Variants in STOX2 observed in about 807,000 individuals in gnomAD.
The protein encoded by STOX2 is storkhead-box protein 2.
STOX2 carries 28 observed loss-of-function variants against 60.9 expected under a neutral mutation model. The observed-to-expected ratio is 0.46, with a 90% confidence interval of 0.34 to 0.63. The LOEUF (loss-of-function observed/expected upper bound fraction) is 0.63, where lower values mean the gene tolerates loss of function less well. Ranked by LOEUF, STOX2 falls within the 30% of genes least tolerant of loss-of-function variation. STOX2 has a pLI of 0.01. For synonymous variants in STOX2, 472 were observed against 463.9 expected, an observed-to-expected ratio of 1.02 and a Z score of -0.22; for missense variants, 1,024 against 1,187.7, an observed-to-expected ratio of 0.86 and a Z score of 2.03.
At chr4:183,952,705 C>T (rs906733727) in intron 1 of STOX2, among the ~76,000 whole-genome samples, 11 of 152,174 alleles carry the variant, frequency 7.2e-5, no homozygotes, top group African/African-American at 2.7e-4. Context: ...AAAAGAGGTG[C>T]ATGTCACATT....
chr4:183,835,232 T>C (rs2111124922), intron 1 of STOX2, among the ~76,000 whole-genome samples: 1 of 151,940 alleles, frequency 6.6e-6, no homozygotes, highest in South Asian at 2.1e-4. Context: ...AATAGATTTT[T>C]TTTTTTTTTT....
intron 1 of STOX2, among the ~76,000 whole-genome samples, chr4:183,993,750 G>A (rs1165045877): frequency 6.6e-6 from 1 of 152,182 alleles, no homozygotes; most frequent in African/African-American, 2.4e-5. Flanking sequence ...ACTAGTAAAA[G>A]TGCCTTTTCA....
At position 184,011,664 on chromosome 4, in the gene STOX2, A is replaced by G; in HGVS notation, c.2585+241A>G. 2 of 1,462,982 alleles carry G rather than the reference A, an allele frequency of 1.4e-6. No homozygotes were observed. Among genetic ancestry groups the G allele is most frequent in the Non-Finnish European group, 9.0e-7 (1 of 1,106,544 alleles). The allele number at this position is 1,462,982 out of a possible 1,614,324, so 90.6% of individuals were successfully genotyped here. On this transcript the variant is annotated intron_variant, in intron 3 of 3. Coordinates refer to ENST00000308497, the MANE Select transcript of STOX2 (RefSeq NM_020225.3). This position sits in a 1 kb window ranked among gnomAD's most constrained non-coding sequence, Gnocchi z 4.4. ...GGTTGGCTCCTCCCCTCAAACTTGCATCAGTCTGATCTAACTAAAACCAAT... is the reference window on the plus strand; with the variant it reads ...GGTTGGCTCCTCCCCTCAAACTTGCGTCAGTCTGATCTAACTAAAACCAAT...
chr4:183,884,329 G>A (rs1741031526), intron 1 of STOX2, among the ~76,000 whole-genome samples: 1 of 150,954 alleles, frequency 6.6e-6, no homozygotes, highest in Admixed American at 6.6e-5. Context: ...AGTGTGAGCA[G>A]ATGTGAATAC....
intron 1 of STOX2, among the ~76,000 whole-genome samples, chr4:183,860,280 C>T (rs184184677): frequency 2.6e-5 from 4 of 151,970 alleles, no homozygotes; most frequent in East Asian, 1.9e-4. Flanking sequence ...GAAAAGGAAA[C>T]GGGCCCTCAA....
intron 1 of STOX2, among the ~76,000 whole-genome samples, chr4:184,000,365 G>C (rs1248607966): frequency 6.6e-6 from 1 of 152,140 alleles, no homozygotes; most frequent in Non-Finnish European, 1.5e-5. Flanking sequence ...AGCCTCTCCT[G>C]CCTCCACTGG....
At chr4:183,912,104 C>G (rs962346133) in intron 1 of STOX2, among the ~76,000 whole-genome samples, 1 of 152,204 alleles carries the variant, frequency 6.6e-6, no homozygotes, top group African/African-American at 2.4e-5. Context: ...TTAAATATTT[C>G]TAAAACCTGT....
At chr4:183,832,287 G>T (rs1278939350) in intron 1 of STOX2, among the ~76,000 whole-genome samples, 3 of 151,814 alleles carry the variant, frequency 2.0e-5, no homozygotes, top group Non-Finnish European at 4.4e-5. Flanking sequence ...ACCACACCTG[G>T]CCCTGGAGCT....
At chr4:183,984,809 C>G (rs1198153254) in intron 1 of STOX2, among the ~76,000 whole-genome samples, 1 of 152,182 alleles carries the variant, frequency 6.6e-6, no homozygotes, top group Non-Finnish European at 1.5e-5. Flanking sequence ...GTTCGTAAAG[C>G]TTTACTGTAA....
At position 183,863,010 on chromosome 4, in the gene STOX2, G is replaced by A. The variant is rs1015352632; in HGVS notation, c.364+64955G>A. 2.6e-5 allele frequency among the ~76,000 whole-genome samples: 4 copies of A among 152,208 alleles called. No individual in the cohort carries two copies. In the South Asian group the frequency reaches 6.2e-4, roughly 24 times the overall value. ...GGAGCCCACCAATCTCACTGGGGAT[G>A]TTTAGGTTGCTCATGTCATCGTAGT... is the stretch of plus-strand genomic sequence containing the variant. On this transcript the variant is annotated intron_variant, in intron 1 of 2. Transcript: ENST00000513034.
chr4:183,937,201 G>A (rs895286627), intron 1 of STOX2, among the ~76,000 whole-genome samples: 3 of 152,166 alleles, frequency 2.0e-5, no homozygotes, highest in Non-Finnish European at 4.4e-5. Flanking sequence ...TTAGTAACAC[G>A]CAAGGAAAAT....
Position 184,007,029 on chromosome 4 carries a change from AAAAC to A in STOX2, c.320-2125_320-2122del, listed in dbSNP as rs1385818390. Among the ~76,000 whole-genome samples, 46 of 73,332 alleles carry A rather than the reference AAAAC, an allele frequency of 6.3e-4. 2 individuals carry two copies. The highest frequency in any genetic ancestry group is 1.3e-3 in the Non-Finnish European group (40 of 29,796). 48.1% of individuals were successfully genotyped at this position (73,332 alleles called of 152,430 possible). A position where few individuals can be genotyped will look rare whatever the true frequency, so the allele number is the denominator to read the frequency against. The stretch of plus-strand genomic sequence containing the variant: ...AGACTCTGTCTCAAAAAAAAAAAAA[AAAAC>A]AAAACAAAAAAAAAATTTTGTTATT... On this transcript the variant is annotated intron_variant, in intron 2 of 3. Transcript: ENST00000308497.
intron 1 of STOX2, among the ~76,000 whole-genome samples, chr4:183,890,919 G>A (rs1741193245): frequency 6.6e-6 from 1 of 152,106 alleles, no homozygotes; most frequent in African/African-American, 2.4e-5. Flanking sequence ...ATCAGCCTGG[G>A]TAACACAGGG....
In STOX2 at chr4:183,906,002, G is replaced by T. The variant is rs545818296; in HGVS notation, c.-789G>T. 5 of 152,382 alleles carry T rather than the reference G, an allele frequency of 3.3e-5. No homozygotes were observed. The South Asian group carries it at 1.0e-3, about 32-fold the overall frequency. The allele number at this position is 152,382 out of a possible 1,614,324, so 9.4% of individuals were successfully genotyped here. A position where few individuals can be genotyped will look rare whatever the true frequency, so the allele number is the denominator to read the frequency against. On this transcript the variant is annotated 5_prime_UTR_variant, in exon 1 of 4. Transcript: ENST00000308497. Reference sequence around the variant, plus strand: ...GCGCCCGGAGCCTCGGCAAGGGGAAGATTGACGAGGCGCTGCAGTCGCGGG... The same window carrying T: ...GCGCCCGGAGCCTCGGCAAGGGGAATATTGACGAGGCGCTGCAGTCGCGGG...
chr4:183,830,902 AT>A (rs111449132), intron 1 of STOX2, among the ~76,000 whole-genome samples: 11,095 of 139,600 alleles, frequency 0.079, 1,159 homozygotes, highest in African/African-American at 0.27. Context: ...CATTTTTAGA[AT>A]TTTTTTTTTT....
intron 1 of STOX2, among the ~76,000 whole-genome samples, chr4:183,972,780 A>G (rs1391847391): frequency 6.6e-6 from 1 of 152,264 alleles, no homozygotes; most frequent in Non-Finnish European, 1.5e-5. Flanking sequence ...GATAATCTCA[A>G]TTTGTATGTG....
chr4:183,809,556 A>C (rs894780544), intron 1 of STOX2, among the ~76,000 whole-genome samples: 14 of 152,014 alleles, frequency 9.2e-5, no homozygotes, highest in African/African-American at 3.4e-4. Flanking sequence ...GTGCCATCAC[A>C]CCCAGCTAAT....
rs537990901 is a variant in STOX2 at position 183,954,992 on chromosome 4, C to T, written c.167-46333C>T. On this transcript the variant is annotated intron_variant, in intron 1 of 3. Transcript: ENST00000308497. ...CTGGGATTACAGGCTTGAACTACCA[C>T]GCCCGGCCCCCCAACCAATCCTGGA... Among the ~76,000 whole-genome samples, 93 of 152,352 alleles carry T rather than the reference C, an allele frequency of 6.1e-4. 1 individual carries two copies. The highest frequency in any genetic ancestry group is 1.7e-3 in the East Asian group (9 of 5,186).
At chr4:183,905,140 C>A (rs563559718), upstream of STOX2, among the ~76,000 whole-genome samples, 3 of 152,228 alleles carry the variant, frequency 2.0e-5, no homozygotes, top group Non-Finnish European at 2.9e-5. Flanking sequence ...CAGTGCAAAG[C>A]GTGGTCGGGG....
Sources: gnomAD v4.1 joint callset for allele counts (sites outside exome capture counted in the v4.1 genomes callset) on GRCh38, gnomAD v4.1.1 for gene constraint, Gnocchi (gnomAD v3.1) non-coding constraint, MANE v1.5 for transcripts, NCBI Gene and HGNC (gene_info 2026-07-23, HGNC 2026-07-21) for gene names.